The following CHL1 variants were observed in gnomAD, a reference collection of about 807,000 sequenced individuals.
CHL1 encodes cell adhesion molecule L1 like, also known as neural cell adhesion molecule L1-like protein.
In CHL1, 96 loss-of-function variants were observed where a neutral mutation model predicts 141.9. The observed-to-expected ratio is 0.68, with a 90% CI of 0.57 to 0.80. The LOEUF is 0.80. CHL1 is among the 30% of genes least tolerant of loss of function. The pLI is 0.00. For missense variants in CHL1, 1,820 were observed against 1,457.2 expected, an observed-to-expected ratio of 1.25 and a Z score of -4.05; for synonymous variants, 613 against 502.2, an observed-to-expected ratio of 1.22 and a Z score of -2.95.
chr3:293,813 T>G (rs559750172), intron 2 of CHL1, among the ~76,000 whole-genome samples: 24 of 151,890 alleles, frequency 1.6e-4, no homozygotes, highest in South Asian at 8.3e-4. Flanking sequence ...AGATTTTTTT[T>G]TTTTTTTTGA....
At chr3:254,661 A>T (rs1345327573) in intron 2 of CHL1, among the ~76,000 whole-genome samples, 1 of 152,138 alleles carries the variant, frequency 6.6e-6, no homozygotes, top group Non-Finnish European at 1.5e-5. Context: ...ACAGTTCTGG[A>T]GGTTGGAAAG....
chr3:366,179 A>G (rs1256815088), intron 15 of CHL1, 64 bp downstream of exon 15: 14 of 1,522,186 alleles, frequency 9.2e-6, no homozygotes, highest in Non-Finnish European at 1.3e-5. Context: ...ATTTGATTTA[A>G]AAAGTTCTAG....
At chr3:371,172 C>G (rs1367061790) in intron 15 of CHL1, among the ~76,000 whole-genome samples, 2 of 152,082 alleles carry the variant, frequency 1.3e-5, no homozygotes, top group Non-Finnish European at 2.9e-5. Context: ...AATTTTCTGT[C>G]TCATTGATCT....
chr3:372,881 G>T lies in CHL1; in HGVS notation c.1752-4937G>T, dbSNP rs373794307. On this transcript the variant is annotated intron_variant, in intron 15 of 27. Transcript: ENST00000256509. Reference sequence around the variant, plus strand: ...ACCTTCTGTAGGGCTGCTGCAGTTTGCTGGGGGTCCACTTCAGTCCCTATT... The same window carrying T: ...ACCTTCTGTAGGGCTGCTGCAGTTTTCTGGGGGTCCACTTCAGTCCCTATT... Among the ~76,000 whole-genome samples the T allele has an allele frequency of 3.3e-5, 5 of 151,100 alleles. No individual in the cohort carries two copies. The East Asian group carries it at 5.8e-4, about 18-fold the overall frequency.
chr3:286,610 CA>C (rs537257607), intron 2 of CHL1, among the ~76,000 whole-genome samples: 19,214 of 111,850 alleles, frequency 0.17, 1,702 homozygotes, highest in African/African-American at 0.33. Context: ...GACTTTGTCT[CA>C]AAAAAAAAAA....
At chr3:385,552 A>G (rs775581114) in intron 19 of CHL1, among the ~76,000 whole-genome samples, 5 of 152,220 alleles carry the variant, frequency 3.3e-5, no homozygotes, top group African/African-American at 9.7e-5. Flanking sequence ...ATCTATGGCC[A>G]GGTGCTGTGG....
chr3:225,645 A>C (rs1574765383), intron 1 of CHL1, among the ~76,000 whole-genome samples: 1 of 152,178 alleles, frequency 6.6e-6, no homozygotes, highest in East Asian at 1.9e-4. Flanking sequence ...CACACACAAA[A>C]CCACCACTGT....
chr3:407,461 G>A lies in CHL1; in HGVS notation c.*1750G>A, dbSNP rs149309897. 46 of 152,224 alleles carry A rather than the reference G, an allele frequency of 3.0e-4. No individual in the cohort carries two copies. Among genetic ancestry groups the A allele is most frequent in the African/African-American group, 1.1e-3 (45 of 41,532 alleles). 9.4% of individuals were successfully genotyped at this position (152,224 alleles called of 1,614,324 possible). On this transcript the variant is annotated 3_prime_UTR_variant, in exon 28 of 28. Coordinates refer to ENST00000256509, the MANE Select transcript of CHL1 (RefSeq NM_006614.4). Reference sequence around the variant, plus strand: ...TTTATGGGCTCAGGATCTGACCGCAGTCCCGGGAGTAAGCATTTCAAAGGG... The same window carrying A: ...TTTATGGGCTCAGGATCTGACCGCAATCCCGGGAGTAAGCATTTCAAAGGG...
intron 1 of CHL1, among the ~76,000 whole-genome samples, chr3:242,367 G>GT (rs1692684101): frequency 7.0e-6 from 1 of 143,036 alleles, no homozygotes; most frequent in Non-Finnish European, 1.5e-5. Context: ...GAGGCTGAGG[G>GT]GGGCAGATCA....
intron 5 of CHL1, among the ~76,000 whole-genome samples, chr3:330,544 AG>A (rs1363390667): frequency 2.0e-5 from 3 of 152,156 alleles, no homozygotes; most frequent in Non-Finnish European, 4.4e-5. Context: ...TTGTAGTGAA[AG>A]TATCCATATT....
At chr3:206,086 A>C (rs1699414264) in intron 1 of CHL1, among the ~76,000 whole-genome samples, 1 of 152,194 alleles carries the variant, frequency 6.6e-6, no homozygotes, top group African/African-American at 2.4e-5. Context: ...CCCATTATCC[A>C]TTTGTGGAAA....
intron 2 of CHL1, among the ~76,000 whole-genome samples, chr3:278,761 C>T (rs1385304448): frequency 2.0e-5 from 3 of 152,294 alleles, no homozygotes; most frequent in East Asian, 1.9e-4. Flanking sequence ...CACTGCTATT[C>T]AGTAAAGGTG....
intron 2 of CHL1, among the ~76,000 whole-genome samples, chr3:261,280 A>G (rs1694698136): frequency 6.6e-6 from 1 of 152,152 alleles, no homozygotes; most frequent in Non-Finnish European, 1.5e-5. Context: ...GGTCTTTTTT[A>G]AAAAAGAAGG....
chr3:289,696 CATTT>C (rs1697490841), intron 2 of CHL1, among the ~76,000 whole-genome samples: 1 of 151,336 alleles, frequency 6.6e-6, no homozygotes, highest in Non-Finnish European at 1.5e-5. Flanking sequence ...CTCATTAATA[CATTT>C]ATTTAATACA....
chr3:371,296 G>A (rs1705591990), intron 15 of CHL1, among the ~76,000 whole-genome samples: 1 of 152,064 alleles, frequency 6.6e-6, no homozygotes, highest in Non-Finnish European at 1.5e-5. Flanking sequence ...CTCCTGTATT[G>A]GATGCATATA....
At chr3:342,737 A>G (rs142028232) in intron 7 of CHL1, among the ~76,000 whole-genome samples, 1 of 152,260 alleles carries the variant, frequency 6.6e-6, no homozygotes, top group East Asian at 1.9e-4. Flanking sequence ...TCACTATAAC[A>G]TTCTTCTAGT....
chr3:305,076 G>A (rs918639392), intron 2 of CHL1, among the ~76,000 whole-genome samples: 1 of 151,936 alleles, frequency 6.6e-6, no homozygotes, highest in African/African-American at 2.4e-5. Context: ...ATAACATTTA[G>A]GAAAACATCA....
chr3:303,127 C>A (rs1483705084), intron 2 of CHL1, among the ~76,000 whole-genome samples: 1 of 152,126 alleles, frequency 6.6e-6, no homozygotes, highest in Non-Finnish European at 1.5e-5. Context: ...CAGTACCATG[C>A]TGTTTTGGTT....
At chr3:228,869 T>C (rs1353601504) in intron 1 of CHL1, among the ~76,000 whole-genome samples, 2 of 152,192 alleles carry the variant, frequency 1.3e-5, no homozygotes, top group Admixed American at 1.3e-4. Flanking sequence ...ACCATATGTG[T>C]ATCAGATGTA....
Sources: allele counts gnomAD v4.1 joint callset (sites outside exome capture counted in the v4.1 genomes callset), GRCh38; gene constraint gnomAD v4.1.1; transcripts MANE v1.5; gene names NCBI Gene and HGNC (gene_info 2026-07-23, HGNC 2026-07-21).